The following DOCK3 variants were observed in gnomAD, a reference collection of about 807,000 sequenced individuals.
The protein encoded by DOCK3 is dedicator of cytokinesis 3.
In DOCK3, 60 loss-of-function variants were observed where a neutral mutation model predicts 265.6. The observed-to-expected ratio is 0.23, with a 90% CI of 0.18 to 0.28. DOCK3 has a LOEUF of 0.28. DOCK3 is among the 10% of genes least tolerant of loss of function. The probability of loss-of-function intolerance (pLI) is 1.00; values close to 1 mark genes in which losing one functional copy is unlikely to be tolerated. For synonymous variants in DOCK3, 881 were observed against 938.0 expected, an observed-to-expected ratio of 0.94 and a Z score of 1.11; for missense variants, 1,981 against 2,594.3, an observed-to-expected ratio of 0.76 and a Z score of 5.14.
At chr3:50,754,029 G>A (rs1405995809) in intron 1 of DOCK3, among the ~76,000 whole-genome samples, 2 of 151,800 alleles carry the variant, frequency 1.3e-5, no homozygotes, top group African/African-American at 4.8e-5. Context: ...GGTGTCACGC[G>A]CCTGTAGTCC....
chr3:50,695,258 A>G (rs2035537126), intron 1 of DOCK3, among the ~76,000 whole-genome samples: 1 of 152,258 alleles, frequency 6.6e-6, no homozygotes, highest in Non-Finnish European at 1.5e-5. Context: ...ATGCATGTAT[A>G]AGCCAGAAGG....
chr3:51,181,544 T>C (rs987037496), intron 12 of DOCK3, among the ~76,000 whole-genome samples: 1 of 152,096 alleles, frequency 6.6e-6, no homozygotes, highest in Non-Finnish European at 1.5e-5. Flanking sequence ...AAAAAGGTAA[T>C]TTTTAATGTA....
chr3:50,790,193 G>A (rs2042394479), intron 2 of DOCK3, among the ~76,000 whole-genome samples: 2 of 152,036 alleles, frequency 1.3e-5, no homozygotes, highest in Admixed American at 6.6e-5. Context: ...GTTTATATGA[G>A]TCCTTATATG....
chr3:50,815,809 TCATG>T (rs1414538398), intron 2 of DOCK3, among the ~76,000 whole-genome samples: 2 of 152,148 alleles, frequency 1.3e-5, no homozygotes, highest in Non-Finnish European at 2.9e-5. Flanking sequence ...TATTTGTGAG[TCATG>T]AATTGGGGTA....
chr3:51,197,976 C>T (rs1423574599), intron 12 of DOCK3, among the ~76,000 whole-genome samples: 3 of 152,256 alleles, frequency 2.0e-5, no homozygotes, highest in Non-Finnish European at 4.4e-5. Flanking sequence ...GTGGCACTCA[C>T]TTCTCAGCAC....
intron 9 of DOCK3, among the ~76,000 whole-genome samples, chr3:51,124,284 C>A (rs57934774): frequency 0.046 from 6,991 of 152,256 alleles, 580 homozygotes; most frequent in African/African-American, 0.16. Context: ...CCCTCACAGA[C>A]CCTGCAGGGC....
chr3:51,310,234 AT>A lies in DOCK3; in HGVS notation c.2928del (p.Leu977CysfsTer2). The A allele has an allele frequency of 6.3e-7, 1 of 1,597,260 alleles. No homozygotes were observed. The highest frequency in any genetic ancestry group is 1.1e-5 in the South Asian group (1 of 87,766). Reference sequence around the variant, plus strand: ...CATCAGCTTTCCTCTGCTGTCAGGAATTTCTGCTGAAGATTTTTTGCGTGTT... The same window carrying A: ...CATCAGCTTTCCTCTGCTGTCAGGAATTCTGCTGAAGATTTTTTGCGTGTT... ...NFQSKDELKE[F>X]LLKIFCVFRN... On this transcript the variant is annotated frameshift_variant, in exon 28 of 53. Coordinates refer to ENST00000266037, the MANE Select transcript of DOCK3 (RefSeq NM_004947.5). LOFTEE classifies it high-confidence loss of function.
chr3:50,726,291 G>C (rs2037818553), intron 1 of DOCK3, among the ~76,000 whole-genome samples: 1 of 152,140 alleles, frequency 6.6e-6, no homozygotes, highest in South Asian at 2.1e-4. Context: ...CAGCCATTCA[G>C]AAGAAGGGAC....
At chr3:50,733,777 TTTG>T (rs2038380650) in intron 1 of DOCK3, among the ~76,000 whole-genome samples, 1 of 81,036 alleles carries the variant, frequency 1.2e-5, no homozygotes, top group Non-Finnish European at 2.3e-5. Context: ...TTTTAACTGT[TTTG>T]TTGTTCTATT....
intron 1 of DOCK3, among the ~76,000 whole-genome samples, chr3:50,723,952 A>G (rs2037642031): frequency 6.6e-6 from 1 of 152,232 alleles, no homozygotes; most frequent in South Asian, 2.1e-4. Flanking sequence ...TATCCATCTG[A>G]CAAAGAGCTA....
intron 5 of DOCK3, among the ~76,000 whole-genome samples, chr3:51,027,720 T>C (rs889722112): frequency 2.6e-5 from 4 of 152,176 alleles, no homozygotes; most frequent in East Asian, 1.9e-4. Context: ...TTATTGTCTT[T>C]GGTTTAACAT....
chr3:50,914,627 G>T (rs1445202689), intron 4 of DOCK3, among the ~76,000 whole-genome samples: 1 of 152,112 alleles, frequency 6.6e-6, no homozygotes. Context: ...CTATTCTGGA[G>T]AATGTTTCAT....
At chr3:50,824,995 T>G (rs981907338) in intron 2 of DOCK3, among the ~76,000 whole-genome samples, 1 of 152,212 alleles carries the variant, frequency 6.6e-6, no homozygotes. Flanking sequence ...TAACAGCATG[T>G]ACATCTAGAT....
At chr3:51,148,042 G>A (rs1412981770) in intron 10 of DOCK3, among the ~76,000 whole-genome samples, 1 of 152,122 alleles carries the variant, frequency 6.6e-6, no homozygotes, top group Non-Finnish European at 1.5e-5. Context: ...TCTAACTGGC[G>A]TGAGATGGTA....
chr3:51,380,435 A>C (rs981838824), intron 52 of DOCK3, among the ~76,000 whole-genome samples: 2 of 152,234 alleles, frequency 1.3e-5, no homozygotes, highest in African/African-American at 4.8e-5. Flanking sequence ...TGGAGACAAC[A>C]ACACACAGTA....
At chr3:51,142,217 C>A (rs2085097994) in intron 9 of DOCK3, among the ~76,000 whole-genome samples, 1 of 152,014 alleles carries the variant, frequency 6.6e-6, no homozygotes. Flanking sequence ...TTAGGTGTAT[C>A]CCATCTTTTT....
At chr3:50,922,568 T>C (rs577166638) in intron 4 of DOCK3, among the ~76,000 whole-genome samples, 2 of 152,188 alleles carry the variant, frequency 1.3e-5, no homozygotes, top group African/African-American at 4.8e-5. Flanking sequence ...CCCAGTGAGA[T>C]GAACCCGGTA....
At chr3:51,362,306 C>T (rs1490133816) in intron 48 of DOCK3, among the ~76,000 whole-genome samples, 2 of 152,196 alleles carry the variant, frequency 1.3e-5, no homozygotes, top group African/African-American at 4.8e-5. Flanking sequence ...CCTGCTTCCT[C>T]CATGGTCACC....
intron 1 of DOCK3, among the ~76,000 whole-genome samples, chr3:50,692,443 G>A (rs1383531659): frequency 6.6e-6 from 1 of 152,154 alleles, no homozygotes; most frequent in African/African-American, 2.4e-5. Flanking sequence ...GTTCACAATA[G>A]GGTTCATACT....
Sources: allele counts gnomAD v4.1 joint callset (sites outside exome capture counted in the v4.1 genomes callset), GRCh38; gene constraint gnomAD v4.1.1; transcripts MANE v1.5; gene names NCBI Gene and HGNC (gene_info 2026-07-23, HGNC 2026-07-21).